GRM7: variants seen among roughly 807,000 people sequenced by gnomAD.
GRM7 encodes the protein glutamate metabotropic receptor 7.
GRM7 carries 35 observed loss-of-function variants against 84.5 expected under a neutral mutation model. That is an observed-to-expected ratio of 0.41 (90% CI 0.32 to 0.55). The LOEUF (loss-of-function observed/expected upper bound fraction) is 0.55, where lower values mean the gene tolerates loss of function less well. Ranked by LOEUF, GRM7 falls within the 20% of genes least tolerant of loss-of-function variation. The pLI, the probability that GRM7 is intolerant of heterozygous loss-of-function variation, is 0.19. For synonymous variants in GRM7, 487 were observed against 455.1 expected (o/e 1.07, Z -0.89); for missense variants, 1,003 against 1,194.6 (o/e 0.84, Z 2.36).
intron 8 of GRM7, among the ~76,000 whole-genome samples, chr3:7,649,155 C>T (rs13071264): frequency 0.28 from 42,951 of 151,598 alleles, 6,861 homozygotes; most frequent in East Asian, 0.62. Flanking sequence ...CTGCTAGCTC[C>T]GCCTCCCGGG....
chr3:7,232,695 T>C (rs1384301279), intron 2 of GRM7, among the ~76,000 whole-genome samples: 1 of 152,182 alleles, frequency 6.6e-6, no homozygotes, highest in Non-Finnish European at 1.5e-5. Flanking sequence ...TTTACAAGCT[T>C]TGATTTAACT....
At chr3:7,150,999 C>T (rs2125069964) in intron 2 of GRM7, among the ~76,000 whole-genome samples, 1 of 152,296 alleles carries the variant, frequency 6.6e-6, no homozygotes, top group South Asian at 2.1e-4. Context: ...TACCATCATA[C>T]ATGTCGACTT....
At chr3:7,303,713 C>G (rs1013819904) in intron 3 of GRM7, among the ~76,000 whole-genome samples, 5 of 151,986 alleles carry the variant, frequency 3.3e-5, no homozygotes, top group African/African-American at 1.2e-4. Flanking sequence ...TCACTTTTCT[C>G]CATATGTTCA....
chr3:7,493,074 A>G (rs1575414066), intron 7 of GRM7, among the ~76,000 whole-genome samples: 2 of 152,214 alleles, frequency 1.3e-5, no homozygotes, highest in East Asian at 1.9e-4. Context: ...TTGATGAAGT[A>G]TGTTTATGAT....
chr3:7,658,114 G>A (rs1699281514), intron 8 of GRM7, among the ~76,000 whole-genome samples: 1 of 152,150 alleles, frequency 6.6e-6, no homozygotes, highest in Admixed American at 6.5e-5. Context: ...ATTCCTTATG[G>A]CTGCATGGAG....
chr3:7,127,055 C>T (rs1693426495), intron 1 of GRM7, among the ~76,000 whole-genome samples: 1 of 152,152 alleles, frequency 6.6e-6, no homozygotes, highest in Non-Finnish European at 1.5e-5. Flanking sequence ...TGAAAACATC[C>T]CCAAACTGGA....
intron 1 of GRM7, among the ~76,000 whole-genome samples, chr3:7,027,128 A>C (rs2124921449): frequency 6.6e-6 from 1 of 152,282 alleles, no homozygotes; most frequent in African/African-American, 2.4e-5. Flanking sequence ...GCAAGTTTTT[A>C]ATCTGTGAAA....
intron 1 of GRM7, among the ~76,000 whole-genome samples, chr3:7,056,164 C>G (rs1697212981): frequency 6.6e-6 from 1 of 152,032 alleles, no homozygotes; most frequent in Non-Finnish European, 1.5e-5. Flanking sequence ...CTCTGATTTT[C>G]CCTTGGAAGG....
intron 2 of GRM7, among the ~76,000 whole-genome samples, chr3:7,288,923 A>G (rs531966178): frequency 4.6e-4 from 70 of 152,286 alleles, no homozygotes; most frequent in African/African-American, 1.4e-3. Flanking sequence ...TGGATCCCAC[A>G]TGGACATGTT....
chr3:6,930,537 A>G (rs1033098232), intron 1 of GRM7, among the ~76,000 whole-genome samples: 1 of 152,158 alleles, frequency 6.6e-6, no homozygotes, highest in African/African-American at 2.4e-5. Context: ...TTTTAATCTT[A>G]ATAATGTATT....
At chr3:7,604,621 A>T (rs190792215) in intron 8 of GRM7, among the ~76,000 whole-genome samples, 1 of 152,204 alleles carries the variant, frequency 6.6e-6, no homozygotes, top group South Asian at 2.1e-4. Context: ...ACTTTCTTAC[A>T]TGTGGCTTAG....
At chr3:6,869,137 C>T (rs1695030694) in intron 1 of GRM7, among the ~76,000 whole-genome samples, 1 of 152,104 alleles carries the variant, frequency 6.6e-6, no homozygotes, top group Non-Finnish European at 1.5e-5. Flanking sequence ...GGAGAAAACA[C>T]ACTCTATCAA....
chr3:7,279,870 C>A (rs182463378), intron 2 of GRM7, among the ~76,000 whole-genome samples: 19 of 152,184 alleles, frequency 1.2e-4, no homozygotes, highest in African/African-American at 4.3e-4. Context: ...AATGCCCGGC[C>A]AGTTATGGTT....
chr3:7,667,619 AT>A (rs963594399), intron 8 of GRM7, among the ~76,000 whole-genome samples: 10 of 151,726 alleles, frequency 6.6e-5, no homozygotes, highest in South Asian at 2.1e-4. Context: ...TTTTCTAAGA[AT>A]TTTTTTTTCC....
intron 1 of GRM7, among the ~76,000 whole-genome samples, chr3:7,117,348 C>T (rs997492072): frequency 6.6e-6 from 1 of 152,202 alleles, no homozygotes; most frequent in African/African-American, 2.4e-5. Flanking sequence ...ACAGGTCTTG[C>T]CTAAGTAGGC....
chr3:7,477,568 TG>T (rs1698972401), intron 7 of GRM7, among the ~76,000 whole-genome samples: 1 of 152,164 alleles, frequency 6.6e-6, no homozygotes, highest in Non-Finnish European at 1.5e-5. Flanking sequence ...TCTTCAAGAG[TG>T]AAGGCTCCAC....
intron 1 of GRM7, among the ~76,000 whole-genome samples, chr3:6,943,575 C>A (rs1697962457): frequency 6.6e-6 from 1 of 151,972 alleles, no homozygotes; most frequent in African/African-American, 2.4e-5. Flanking sequence ...TGCCGATATC[C>A]TACTTTGTCA....
intron 4 of GRM7, among the ~76,000 whole-genome samples, chr3:7,321,966 G>A (rs1262791284): frequency 6.6e-6 from 1 of 152,006 alleles, no homozygotes; most frequent in Non-Finnish European, 1.5e-5. Context: ...ATGGCCTCTG[G>A]CAAATTAGTG....
At position 7,716,959 on chromosome 3, in the gene GRM7, T is replaced by C. The variant is rs541077972; in HGVS notation, c.2699-23398T>C. Among the ~76,000 whole-genome samples, 9 of 152,288 alleles carry C rather than the reference T, an allele frequency of 5.9e-5. No homozygotes were observed. In the East Asian group the frequency reaches 1.5e-3, roughly 26 times the overall value. On this transcript the variant is annotated intron_variant, in intron 9 of 9. Coordinates refer to ENST00000357716, the MANE Select transcript of GRM7 (RefSeq NM_000844.4). ...ATATCACTGTACTCTGTTTACTTGA[T>C]GAGGCAGGCTGAGTGTTATCTATTT...
Sources: allele counts gnomAD v4.1 joint callset (sites outside exome capture counted in the v4.1 genomes callset), GRCh38; gene constraint gnomAD v4.1.1; transcripts MANE v1.5; gene names NCBI Gene and HGNC (gene_info 2026-07-23, HGNC 2026-07-21).